The following SPHKAP variants were observed in gnomAD, a reference collection of about 807,000 sequenced individuals.
SPHKAP encodes SPHK1 interactor, AKAP domain containing, also known as A-kinase anchor protein SPHKAP.
In SPHKAP, 67 loss-of-function variants were observed where a neutral mutation model predicts 137.5. The ratio of observed to expected loss-of-function variants is 0.49; its 90% confidence interval spans 0.40 to 0.60. SPHKAP has a LOEUF of 0.60. SPHKAP is among the 20% of genes least tolerant of loss of function. The probability of loss-of-function intolerance (pLI) is 0.00; values close to 1 mark genes in which losing one functional copy is unlikely to be tolerated. For synonymous variants in SPHKAP, 813 were observed against 785.3 expected (o/e 1.04, Z -0.59); for missense variants, 2,097 against 2,069.3 (o/e 1.01, Z -0.26).
At chr2:228,011,340 C>T (rs1694359064) in intron 7 of SPHKAP, among the ~76,000 whole-genome samples, 1 of 151,798 alleles carries the variant, frequency 6.6e-6, no homozygotes. Flanking sequence ...GCCTCAGTTC[C>T]AAGTCTTCAC....
intron 7 of SPHKAP, among the ~76,000 whole-genome samples, chr2:228,012,163 CAAAAAAAAAAAA>C (rs544782857): frequency 1.4e-4 from 12 of 84,924 alleles, no homozygotes; most frequent in Admixed American, 3.0e-4. Flanking sequence ...GACTCTACCT[CAAAAAAAAAAAA>C]AAAAAAAAAA....
chr2:228,043,357 C>T (rs1016012520), intron 3 of SPHKAP, among the ~76,000 whole-genome samples: 5 of 152,158 alleles, frequency 3.3e-5, no homozygotes, highest in Admixed American at 2.6e-4. Context: ...GATGGAGTCT[C>T]GCTTTGTCGC....
In SPHKAP at chr2:228,001,507, GTATA is replaced by G. The variant is rs1343014980; in HGVS notation, c.4449-5817_4449-5814del. Among the ~76,000 whole-genome samples the G allele has an allele frequency of 1.0e-3, 140 of 136,698 alleles. 1 individual carries two copies. Among genetic ancestry groups the G allele is most frequent in the African/African-American group, 3.5e-3 (131 of 36,960 alleles). 89.7% of individuals were successfully genotyped at this position (136,698 alleles called of 152,430 possible). ...TATACGTATATATAAGTATATATAC[GTATA>G]TATAAGAATATATATACATATATAT... On this transcript the variant is annotated intron_variant, in intron 7 of 11. Coordinates refer to ENST00000392056, the MANE Select transcript of SPHKAP (RefSeq NM_001142644.2).
intron 3 of SPHKAP, among the ~76,000 whole-genome samples, chr2:228,076,203 A>G (rs4594433): frequency 0.28 from 41,957 of 151,942 alleles, 5,960 homozygotes; most frequent in South Asian, 0.44. Context: ...TTTAATAAAC[A>G]CTTTTTCCTG....
intron 1 of SPHKAP, among the ~76,000 whole-genome samples, chr2:228,155,444 G>C (rs1700079945): frequency 6.6e-6 from 1 of 152,064 alleles, no homozygotes; most frequent in Non-Finnish European, 1.5e-5. Flanking sequence ...CCATAAACCG[G>C]ATATGATATA....
chr2:228,118,358 A>G (rs1698788460), intron 2 of SPHKAP, among the ~76,000 whole-genome samples: 1 of 151,284 alleles, frequency 6.6e-6, no homozygotes, highest in Admixed American at 6.6e-5. Context: ...GTTTATGTCT[A>G]AATTTAAGGT....
At position 228,088,386 on chromosome 2, in the gene SPHKAP, A is replaced by T. The variant is rs181783506; in HGVS notation, c.246+20446T>A. Among the ~76,000 whole-genome samples the T allele has an allele frequency of 2.3e-3, 357 of 152,298 alleles. 1 individual carries two copies. The highest frequency in any genetic ancestry group is 5.4e-3 in the South Asian group (26 of 4,832). ...TGTATTTTGGGGTGTTAAATTGTAA[A>T]TGGTAAGTATTACAGCAACCACTAA... On this transcript the variant is annotated intron_variant, in intron 3 of 11. Coordinates refer to ENST00000392056, the MANE Select transcript of SPHKAP (RefSeq NM_001142644.2).
chr2:228,099,395 T>C (rs189048535), intron 3 of SPHKAP, among the ~76,000 whole-genome samples: 37 of 152,336 alleles, frequency 2.4e-4, no homozygotes, highest in Admixed American at 1.4e-3. Context: ...TCTGTTTTTG[T>C]ACCAGTACCA....
intron 3 of SPHKAP, among the ~76,000 whole-genome samples, chr2:228,048,287 ATTCAT>A (rs1461024338): frequency 7.0e-6 from 1 of 142,004 alleles, no homozygotes; most frequent in African/African-American, 2.6e-5. Flanking sequence ...AAAATAAATC[ATTCAT>A]TTCAAGTCTT....
At chr2:228,086,862 C>T (rs1419803415) in intron 3 of SPHKAP, among the ~76,000 whole-genome samples, 3 of 152,136 alleles carry the variant, frequency 2.0e-5, no homozygotes, top group African/African-American at 2.4e-5. Flanking sequence ...AAGCCATTGG[C>T]CAGCTAGTGC....
intron 7 of SPHKAP, among the ~76,000 whole-genome samples, chr2:227,997,942 T>C (rs1693696588): frequency 6.6e-6 from 1 of 152,236 alleles, no homozygotes; most frequent in Non-Finnish European, 1.5e-5. Flanking sequence ...AGAGCTCCAC[T>C]TGTTAAGTTG....
At chr2:227,981,890 A>G in intron 11 of SPHKAP, 30 bp from the exon 12 acceptor site, 1 of 1,603,444 alleles carries the variant, frequency 6.2e-7, no homozygotes, top group Non-Finnish European at 8.5e-7. Context: ...TAGGGCTCAC[A>G]GAGCACAGAG....
chr2:228,043,428 G>A (rs547169114), intron 3 of SPHKAP, among the ~76,000 whole-genome samples: 7 of 152,196 alleles, frequency 4.6e-5, no homozygotes, highest in Non-Finnish European at 1.0e-4. Context: ...CCAAGTTCAA[G>A]CAATTCTCAT....
intron 3 of SPHKAP, among the ~76,000 whole-genome samples, chr2:228,094,722 A>C (rs1200931723): frequency 6.6e-6 from 1 of 152,130 alleles, no homozygotes; most frequent in Non-Finnish European, 1.5e-5. Flanking sequence ...ATTAGATACT[A>C]GATTGACTCA....
intron 3 of SPHKAP, among the ~76,000 whole-genome samples, chr2:228,089,734 G>C (rs747645664): frequency 1.3e-5 from 2 of 152,168 alleles, no homozygotes; most frequent in Non-Finnish European, 2.9e-5. Context: ...CTCTGCACCA[G>C]CCACATCAAA....
At chr2:228,106,875 G>T (rs983521277) in intron 3 of SPHKAP, among the ~76,000 whole-genome samples, 4 of 152,144 alleles carry the variant, frequency 2.6e-5, no homozygotes, top group Non-Finnish European at 5.9e-5. Flanking sequence ...ATTAGGGTTA[G>T]TTTTTCATAG....
At chr2:228,124,695 C>T (rs995295342) in intron 2 of SPHKAP, among the ~76,000 whole-genome samples, 2 of 151,270 alleles carry the variant, frequency 1.3e-5, no homozygotes, top group Non-Finnish European at 2.9e-5. Flanking sequence ...AACAAACCCA[C>T]ACGTTGTGCA....
intron 3 of SPHKAP, among the ~76,000 whole-genome samples, chr2:228,076,027 C>T (rs1697171139): frequency 6.6e-6 from 1 of 152,070 alleles, no homozygotes; most frequent in Admixed American, 6.6e-5. Flanking sequence ...GTCTTTTCTG[C>T]ATGTTCTCAT....
chr2:228,030,513 C>CAAAAAAAAAAAAAAAAAAACAA (rs1695255023), intron 3 of SPHKAP, among the ~76,000 whole-genome samples: 1 of 48,772 alleles, frequency 2.1e-5, no homozygotes, highest in Non-Finnish European at 4.0e-5. Flanking sequence ...GATACCATCT[C>CAAAAAAAAAAAAAAAAAAACAA]AAAAAAAAAA....
Sources: allele counts gnomAD v4.1 joint callset (sites outside exome capture counted in the v4.1 genomes callset), GRCh38; gene constraint gnomAD v4.1.1; transcripts MANE v1.5; gene names NCBI Gene and HGNC (gene_info 2026-07-23, HGNC 2026-07-21).